Variants in FAM193B observed in about 807,000 individuals in gnomAD.
FAM193B encodes the protein protein FAM193B.
A neutral mutation model predicts 70.7 loss-of-function variants in FAM193B; 27 were observed. The ratio of observed to expected loss-of-function variants is 0.38; its 90% CI spans 0.28 to 0.53. FAM193B has a LOEUF of 0.53. Ranked by LOEUF, FAM193B falls within the 20% of genes least tolerant of loss-of-function variation. The probability of loss-of-function intolerance (pLI) is 0.81; values close to 1 mark genes in which losing one functional copy is unlikely to be tolerated. For synonymous variants in FAM193B, 448 were observed against 436.0 expected, an observed-to-expected ratio of 1.03 and a Z score of -0.34; for missense variants, 1,022 against 1,072.5, an observed-to-expected ratio of 0.95 and a Z score of 0.66.
At chr5:177,522,193 T>C (rs751928234) in intron 7 of FAM193B, 122 bp from the exon 8 acceptor site, 35 of 752,882 alleles carry the variant, frequency 4.6e-5, no homozygotes, top group Non-Finnish European at 7.6e-5. Flanking sequence ...CCTCTTTGGC[T>C]CTCAGGTGCT....
Position 177,524,539 on chromosome 5 carries a change from C to A in FAM193B, c.1942G>T (p.Glu648Ter). 6.2e-7 allele frequency: 1 copy of A among 1,611,768 alleles called. No individual in the cohort carries two copies. The highest frequency in any genetic ancestry group is 8.5e-7 in the Non-Finnish European group (1 of 1,179,138). Residue 648 changes from glutamate (E) to a stop codon, truncating the protein, a stop_gained, in exon 6 of 9, where the codon GAG becomes TAG. Coordinates refer to ENST00000514747, the MANE Select transcript of FAM193B (RefSeq NM_001190946.3). LOFTEE classifies it high-confidence loss of function. ...GGGGGCCGGGGGGCTGGGCTTGCCT[C>A]GCTCTTCTTGGCCTGACTGCCCTGC... ...KRQGSQAKKS[E>*]ASPAPRPPAS...
At chr5:177,521,442 C>T (rs1439537908) in intron 8 of FAM193B, among the ~76,000 whole-genome samples, 1 of 152,226 alleles carries the variant, frequency 6.6e-6, no homozygotes, top group African/African-American at 2.4e-5. Flanking sequence ...GGAGCTTGCC[C>T]TGCTTTGGGT....
intron 7 of FAM193B, chr5:177,523,456 G>C (rs901680227): frequency 4.4e-6 from 1 of 228,586 alleles, no homozygotes; most frequent in Non-Finnish European, 9.1e-6. Context: ...TGGCCCCCTT[G>C]GCATGAATAC....
intron 1 of FAM193B, among the ~76,000 whole-genome samples, chr5:177,548,395 T>C (rs976004634): frequency 6.6e-6 from 1 of 152,250 alleles, no homozygotes; most frequent in Admixed American, 6.5e-5. Context: ...TTATACACAA[T>C]GGAAGTTGGC....
chr5:177,553,694 C>A lies in FAM193B; in HGVS notation c.210+555G>T, dbSNP rs1766617872. 3 of 1,287,676 alleles carry A rather than the reference C, an allele frequency of 2.3e-6. No individual in the cohort carries two copies. In the African/African-American group the frequency reaches 4.6e-5, roughly 20 times the overall value. 79.8% of individuals were successfully genotyped at this position (1,287,676 alleles called of 1,614,324 possible). A position where few individuals can be genotyped will look rare whatever the true frequency, so the allele number is the denominator to read the frequency against. ...GGGTTTCCACCTCAGTGCAGAAACCCCACCAAAAACTCCTCCGGGCAGCCT... is the reference window on the plus strand; with the variant it reads ...GGGTTTCCACCTCAGTGCAGAAACCACACCAAAAACTCCTCCGGGCAGCCT... On this transcript the variant is annotated intron_variant, in intron 1 of 8. Transcript: ENST00000514747.
At position 177,536,581 on chromosome 5, in the gene FAM193B, G is replaced by T. The variant is rs1764198398; in HGVS notation, c.853C>A (p.Pro285Thr). 1 of 1,546,270 alleles carries T rather than the reference G, an allele frequency of 6.5e-7. No homozygotes were observed. The highest frequency in any genetic ancestry group is 8.7e-7 in the Non-Finnish European group (1 of 1,153,442). ...CACTCTGAAGCCTGGGCAGGGAAAG[G>T]TGCTGCCGGGGTGGTGGGCAGCAGG... Reference protein sequence around the residue: ...PHLLPTTPAAPFPAQASECPV... With the variant: ...PHLLPTTPAATFPAQASECPV... The change falls in exon 4 of 9, where the codon CCT becomes ACT. Residue 285 changes from proline (P) to threonine (T), a missense_variant. Physicochemically the swap from Pro to Thr is conservative, Grantham distance 38. Transcript: ENST00000514747.
intron 5 of FAM193B, among the ~76,000 whole-genome samples, chr5:177,526,036 C>T (rs1455235981): frequency 6.6e-6 from 1 of 152,230 alleles, no homozygotes; most frequent in African/African-American, 2.4e-5. Context: ...GCCATTGACT[C>T]CCACTGCCTC....
At chr5:177,550,735 C>A (rs1484541057) in intron 1 of FAM193B, among the ~76,000 whole-genome samples, 1 of 152,206 alleles carries the variant, frequency 6.6e-6, no homozygotes, top group Non-Finnish European at 1.5e-5. Flanking sequence ...AACACTCAGG[C>A]TTTGTATGGC....
At chr5:177,544,366 A>G (rs1330415154) in intron 1 of FAM193B, among the ~76,000 whole-genome samples, 1 of 152,204 alleles carries the variant, frequency 6.6e-6, no homozygotes, top group Non-Finnish European at 1.5e-5. Context: ...TTTTTCCTGG[A>G]TAAAAGAGAG....
chr5:177,551,555 T>C (rs1766249150), intron 1 of FAM193B, among the ~76,000 whole-genome samples: 1 of 152,222 alleles, frequency 6.6e-6, no homozygotes, highest in Non-Finnish European at 1.5e-5. Flanking sequence ...GATTACTGCC[T>C]TGTGGAAAAG....
At chr5:177,547,441 T>G (rs1213098393) in intron 1 of FAM193B, among the ~76,000 whole-genome samples, 1 of 150,848 alleles carries the variant, frequency 6.6e-6, no homozygotes, top group African/African-American at 2.4e-5. Flanking sequence ...CGCGCCACCA[T>G]GCCCGGCTAA....
intron 1 of FAM193B, among the ~76,000 whole-genome samples, chr5:177,546,496 C>G (rs535091037): frequency 2.6e-5 from 4 of 152,222 alleles, no homozygotes; most frequent in Non-Finnish European, 5.9e-5. Flanking sequence ...AACACAAAGG[C>G]AGAATTTAAA....
chr5:177,519,982 T>C lies in FAM193B; in HGVS notation c.*201A>G, dbSNP rs1761473452. The C allele has an allele frequency of 6.6e-6, 1 of 152,392 alleles. No homozygotes were observed. Among genetic ancestry groups the C allele is most frequent in the African/African-American group, 2.4e-5 (1 of 41,466 alleles). 9.4% of individuals were successfully genotyped at this position (152,392 alleles called of 1,614,324 possible). On this transcript the variant is annotated 3_prime_UTR_variant, in exon 9 of 9. Transcript: ENST00000514747. ...ACGGGCTCTGAGTGTGGAGGCTGCG[T>C]AGCACCAGGAAGCGGCTCTGCTGAG... is the stretch of plus-strand genomic sequence containing the variant.
At chr5:177,550,848 G>A (rs1436695884) in intron 1 of FAM193B, among the ~76,000 whole-genome samples, 1 of 152,140 alleles carries the variant, frequency 6.6e-6, no homozygotes, top group Non-Finnish European at 1.5e-5. Context: ...ATTTTAAAAG[G>A]AGACGGTGTT....
In FAM193B at chr5:177,524,949, T is replaced by C. The variant is rs1762363640; in HGVS notation, c.1532A>G (p.Glu511Gly). 1.3e-6 allele frequency: 2 copies of C among 1,507,108 alleles called. No individual in the cohort carries two copies. Among genetic ancestry groups the C allele is most frequent in the Admixed American group, 2.4e-5 (1 of 42,512 alleles). 93.4% of individuals were successfully genotyped at this position (1,507,108 alleles called of 1,614,324 possible). Residue 511 changes from glutamate to glycine, a missense_variant, in exon 6 of 9, where the codon GAG becomes GGG. Coordinates refer to ENST00000514747, the MANE Select transcript of FAM193B (RefSeq NM_001190946.3). ...GTTTGAGGGGGGTAGACTCTGAGGC[T>C]CAGGCTCAGCAGCCCCCTCCTTAGA... is the stretch of plus-strand genomic sequence containing the variant. ...GFSKEGAAEP[E>G]PQSLPPSNLS...
rs1397584336 is a variant in FAM193B, at chr5:177,524,747, G to A, written c.1734C>T (p.Val578=). Residue 578 remains valine (V), a synonymous_variant, in exon 6 of 9, where the codon GTC becomes GTT. Transcript: ENST00000514747. ...TEVRGPPPGI[V]PENGLVRRLN... Reference sequence around the variant, plus strand: ...GTCTCCTCACGAGCCCGTTCTCGGGGACGATACCGGGAGGGGGCCCCCTCA... The same window carrying A: ...GTCTCCTCACGAGCCCGTTCTCGGGAACGATACCGGGAGGGGGCCCCCTCA... 2 of 1,536,550 alleles carry A rather than the reference G, an allele frequency of 1.3e-6. No individual in the cohort carries two copies. The highest frequency in any genetic ancestry group is 8.8e-7 in the Non-Finnish European group (1 of 1,142,702).
intron 5 of FAM193B, among the ~76,000 whole-genome samples, chr5:177,526,501 C>T (rs773697971): frequency 6.6e-6 from 1 of 151,826 alleles, no homozygotes; most frequent in Non-Finnish European, 1.5e-5. Flanking sequence ...TCCCCCAGCA[C>T]CACACAGATT....
chr5:177,530,038 C>G (rs1014475049), intron 5 of FAM193B, among the ~76,000 whole-genome samples: 43 of 152,214 alleles, frequency 2.8e-4, no homozygotes, highest in African/African-American at 9.2e-4. Flanking sequence ...CTGGAACTAG[C>G]TGGTTGTTAC....
intron 1 of FAM193B, chr5:177,553,541 G>A (rs1766585538): frequency 1.8e-6 from 2 of 1,136,282 alleles, no homozygotes; most frequent in Non-Finnish European, 2.2e-6. Flanking sequence ...CTTCTTCCAG[G>A]TGGCAAGCTG....
Sources: allele counts gnomAD v4.1 joint callset (sites outside exome capture counted in the v4.1 genomes callset), GRCh38; gene constraint gnomAD v4.1.1; transcripts MANE v1.5; gene names NCBI Gene and HGNC (gene_info 2026-07-23, HGNC 2026-07-21).